Variants in CD58 observed in about 807,000 individuals in gnomAD.
The protein encoded by CD58 is CD58 molecule, also known as lymphocyte function-associated antigen 3.
A neutral mutation model predicts 27.6 loss-of-function variants in CD58; 14 were observed. The ratio of observed to expected loss-of-function variants is 0.51; its 90% CI spans 0.34 to 0.79. The LOEUF (loss-of-function observed/expected upper bound fraction) is 0.79. Ranked by LOEUF, CD58 falls within the 30% of genes least tolerant of loss-of-function variation. The pLI, the probability that CD58 is intolerant of heterozygous loss-of-function variation, is 0.02. For missense variants in CD58, 268 were observed against 301.7 expected (o/e 0.89, Z 0.83); for synonymous variants, 117 against 103.8 (o/e 1.13, Z -0.77).
intron 1 of CD58, among the ~76,000 whole-genome samples, chr1:116,562,518 C>T (rs1394871427): frequency 6.6e-6 from 1 of 152,042 alleles, no homozygotes; most frequent in Non-Finnish European, 1.5e-5. Flanking sequence ...TGTATTAGTC[C>T]ATTCTCGCAC....
In CD58 at chr1:116,570,858, G is replaced by T; in HGVS notation, c.70+45C>A. 6.7e-7 allele frequency: 1 copy of T among 1,491,628 alleles called. No homozygotes were observed. The highest frequency in any genetic ancestry group is 9.0e-7 in the Non-Finnish European group (1 of 1,109,804). The allele number at this position is 1,491,628 out of a possible 1,614,324, so 92.4% of individuals were successfully genotyped here. ...GTCCACCCAGCCTGGGTGCTGCCCAGTACCCGCCGGCCGGCGCGGGGCCCC... is the reference window on the plus strand; with the variant it reads ...GTCCACCCAGCCTGGGTGCTGCCCATTACCCGCCGGCCGGCGCGGGGCCCC... On this transcript the variant is annotated intron_variant, in intron 1 of 5. Transcript: ENST00000369489. This position sits in a 1 kb window ranked among gnomAD's most constrained non-coding sequence, Gnocchi z 6.4.
intron 1 of CD58, among the ~76,000 whole-genome samples, chr1:116,565,907 C>T (rs1021272052): frequency 4.6e-5 from 7 of 151,964 alleles, no homozygotes; most frequent in Non-Finnish European, 8.8e-5. Flanking sequence ...TTAGTAGAGA[C>T]AGGGTTTCAC....
chr1:116,533,410 T>A, intron 3 of CD58: 1 of 814,800 alleles, frequency 1.2e-6, no homozygotes, highest in Non-Finnish European at 2.2e-6. Flanking sequence ...TCTGATTTCA[T>A]CTTGCAGGTT....
Position 116,549,500 on chromosome 1 carries a change from A to G in CD58, c.71-4896T>C, listed in dbSNP as rs562851677. Among the ~76,000 whole-genome samples, 3 of 152,350 alleles carry G rather than the reference A, an allele frequency of 2.0e-5. No individual in the cohort carries two copies. The East Asian group carries it at 5.8e-4, about 29-fold the overall frequency. On this transcript the variant is annotated intron_variant, in intron 1 of 5. Coordinates refer to ENST00000369489, the MANE Select transcript of CD58 (RefSeq NM_001779.3). ...AGCCAGCCCTTGCAAGGCATCAAACAAACACAATTCTAGTATTGAAGTAAA... is the reference window on the plus strand; with the variant it reads ...AGCCAGCCCTTGCAAGGCATCAAACGAACACAATTCTAGTATTGAAGTAAA...
At position 116,550,852 on chromosome 1, in the gene CD58, T is replaced by A. The variant is rs1258422958; in HGVS notation, c.71-6248A>T. Among the ~76,000 whole-genome samples the A allele has an allele frequency of 6.6e-6, 1 of 152,196 alleles. No homozygotes were observed. Among genetic ancestry groups the A allele is most frequent in the Admixed American group, 6.5e-5 (1 of 15,276 alleles). ...CTTGATCCATGGGCTGCAGAATGGA[T>A]GTTGTATTAGCAAGCATGAAAACAA... On this transcript the variant is annotated intron_variant, in intron 1 of 5. Transcript: ENST00000369489. The surrounding 1 kb of genome is among the most constrained non-coding windows in gnomAD (Gnocchi z 4.2).
intron 1 of CD58, among the ~76,000 whole-genome samples, chr1:116,556,872 G>A (rs1489106292): frequency 6.6e-6 from 1 of 152,192 alleles, no homozygotes; most frequent in African/African-American, 2.4e-5. Context: ...GGAAACAGGA[G>A]CTGTGCCTCA....
chr1:116,554,914 G>C (rs1658516304), intron 1 of CD58, among the ~76,000 whole-genome samples: 1 of 152,002 alleles, frequency 6.6e-6, no homozygotes, highest in South Asian at 2.1e-4. Flanking sequence ...AGTCTTTTCT[G>C]TTGCACTTCC....
rs150019822 is a variant in CD58 at position 116,528,134 on chromosome 1, T to C, written c.629-6151A>G. ...TCTTCCCAGTGGAAAGTCATAAAAG[T>C]CACAAGAGACCAACTTAAATCAGTC... On this transcript the variant is annotated intron_variant, in intron 3 of 5. Transcript: ENST00000369489. This position sits in a 1 kb window ranked among gnomAD's most constrained non-coding sequence, Gnocchi z 4.4. Among the ~76,000 whole-genome samples, 843 of 152,318 alleles carry C rather than the reference T, an allele frequency of 5.5e-3. 22 individuals carry two copies. The highest frequency in any genetic ancestry group is 0.046 in the Admixed American group (711 of 15,294).
rs923979187 is a variant in CD58 at position 116,528,878 on chromosome 1, C to T, written c.629-6895G>A. Among the ~76,000 whole-genome samples, 10 of 152,174 alleles carry T rather than the reference C, an allele frequency of 6.6e-5. No homozygotes were observed. The highest frequency in any genetic ancestry group is 2.4e-4 in the African/African-American group (10 of 41,440). On this transcript the variant is annotated intron_variant, in intron 3 of 5. Coordinates refer to ENST00000369489, the MANE Select transcript of CD58 (RefSeq NM_001779.3). This position sits in a 1 kb window ranked among gnomAD's most constrained non-coding sequence, Gnocchi z 4.4. ...TATTCACAAGGTCTGTCAACAATGA[C>T]CTCCTAAGTGCCAAATCCACAACCT... is the stretch of plus-strand genomic sequence containing the variant.
intron 1 of CD58, among the ~76,000 whole-genome samples, chr1:116,560,960 G>A (rs1286540758): frequency 6.6e-6 from 1 of 152,164 alleles, no homozygotes; most frequent in Non-Finnish European, 1.5e-5. Flanking sequence ...GTGTCCTTAA[G>A]TAAAACCTTC....
In CD58 at chr1:116,519,406, A is replaced by C; in HGVS notation, c.707-139T>G. The C allele has an allele frequency of 1.3e-6, 1 of 763,726 alleles. No homozygotes were observed. The highest frequency in any genetic ancestry group is 2.2e-6 in the Non-Finnish European group (1 of 445,012). 47.3% of individuals were successfully genotyped at this position (763,726 alleles called of 1,614,324 possible). ...TCACCCTGGGATTTCCTGCTATCCT[A>C]TATGCTTTAAATCAAATCGGCTACA... On this transcript the variant is annotated intron_variant, in intron 4 of 5. Coordinates refer to ENST00000369489, the MANE Select transcript of CD58 (RefSeq NM_001779.3). This position sits in a 1 kb window ranked among gnomAD's most constrained non-coding sequence, Gnocchi z 4.7.
In CD58 at chr1:116,524,951, A is replaced by T. The variant is rs1340656992; in HGVS notation, c.629-2968T>A. On this transcript the variant is annotated intron_variant, in intron 3 of 5. Coordinates refer to ENST00000369489, the MANE Select transcript of CD58 (RefSeq NM_001779.3). This position sits in a 1 kb window ranked among gnomAD's most constrained non-coding sequence, Gnocchi z 4.6. ...CAGGTTCACAACAAAACTGAGCAGA[A>T]GTTACAGAAAGTTTGTACATACATC... Among the ~76,000 whole-genome samples, 2 of 152,262 alleles carry T rather than the reference A, an allele frequency of 1.3e-5. No homozygotes were observed. The highest frequency in any genetic ancestry group is 2.9e-5 in the Non-Finnish European group (2 of 68,042).
chr1:116,564,548 GAGGCCCCA>G (rs1252389903), intron 1 of CD58, among the ~76,000 whole-genome samples: 1 of 152,198 alleles, frequency 6.6e-6, no homozygotes, highest in African/African-American at 2.4e-5. Context: ...CCTGGCCAGG[GAGGCCCCA>G]CAATCATGGC....
chr1:116,518,703 G>A (rs140150510), intron 5 of CD58: 10 of 989,332 alleles, frequency 1.0e-5, no homozygotes, highest in Non-Finnish European at 1.2e-5. Flanking sequence ...AGCACCCTAC[G>A]GCGGTTTATT....
chr1:116,522,160 C>T lies in CD58; in HGVS notation c.629-177G>A, dbSNP rs1269863783. ...GAACAGTGATGAAAACTTTGAGTCA[C>T]CCAATAAGCAGATTCCCAGCAGAGG... On this transcript the variant is annotated intron_variant, in intron 3 of 5. Transcript: ENST00000369489. This position sits in a 1 kb window ranked among gnomAD's most constrained non-coding sequence, Gnocchi z 4.6. Among the ~76,000 whole-genome samples the T allele has an allele frequency of 6.6e-6, 1 of 152,186 alleles. No individual in the cohort carries two copies. The highest frequency in any genetic ancestry group is 1.5e-5 in the Non-Finnish European group (1 of 68,040).
chr1:116,514,743 G>A lies in CD58; in HGVS notation c.*70C>T. 2 of 1,020,462 alleles carry A rather than the reference G, an allele frequency of 2.0e-6. No homozygotes were observed. Among genetic ancestry groups the A allele is most frequent in the Non-Finnish European group, 3.0e-6 (2 of 671,944 alleles). 63.2% of individuals were successfully genotyped at this position (1,020,462 alleles called of 1,614,324 possible). On this transcript the variant is annotated 3_prime_UTR_variant, in exon 6 of 6. Coordinates refer to ENST00000369489, the MANE Select transcript of CD58 (RefSeq NM_001779.3). ...TGTTCAAAAATTGTAATACTCAAAT[G>A]AGAAATCAGATGGCTTTTTAGTTTT...
chr1:116,558,514 C>T (rs1490059283), intron 1 of CD58, among the ~76,000 whole-genome samples: 1 of 152,174 alleles, frequency 6.6e-6, no homozygotes, highest in Non-Finnish European at 1.5e-5. Context: ...TATTGAGGAG[C>T]GGCCAATCTC....
At chr1:116,568,550 C>T (rs1207281082) in intron 1 of CD58, among the ~76,000 whole-genome samples, 2 of 152,168 alleles carry the variant, frequency 1.3e-5, no homozygotes, top group Non-Finnish European at 2.9e-5. Flanking sequence ...CATGTTTTTA[C>T]TCATTTACTT....
intron 2 of CD58, among the ~76,000 whole-genome samples, chr1:116,537,388 A>T (rs75046628): frequency 6.6e-6 from 1 of 152,228 alleles, no homozygotes; most frequent in Non-Finnish European, 1.5e-5. Context: ...GTAAAAAAAA[A>T]TTTTAATTCC....
Sources: gnomAD v4.1 joint callset for allele counts (sites outside exome capture counted in the v4.1 genomes callset) on GRCh38, gnomAD v4.1.1 for gene constraint, Gnocchi (gnomAD v3.1) non-coding constraint, MANE v1.5 for transcripts, NCBI Gene and HGNC (gene_info 2026-07-23, HGNC 2026-07-21) for gene names.